The following ATRNL1 variants were observed in gnomAD, a reference collection of about 807,000 sequenced individuals.
ATRNL1 encodes the protein attractin like 1, also known as attractin-like protein 1.
In ATRNL1, 95 loss-of-function variants were observed where a neutral mutation model predicts 182.7. The observed-to-expected ratio is 0.52, with a 90% CI of 0.44 to 0.62. The LOEUF (loss-of-function observed/expected upper bound fraction) is 0.62. ATRNL1 is among the 20% of genes least tolerant of loss of function. ATRNL1 has a pLI of 0.00. For missense variants in ATRNL1, 1,471 were observed against 1,679.5 expected (o/e 0.88, Z 2.17); for synonymous variants, 576 against 568.3 (o/e 1.01, Z -0.19).
intron 28 of ATRNL1, among the ~76,000 whole-genome samples, chr10:115,878,980 G>A (rs1018203750): frequency 2.0e-5 from 3 of 152,026 alleles, no homozygotes; most frequent in African/African-American, 7.2e-5. Context: ...AAATTATAAT[G>A]GCATCACATA....
chr10:115,934,268 C>A lies in ATRNL1; in HGVS notation c.4019-10390C>A, dbSNP rs79579340. Among the ~76,000 whole-genome samples the A allele has an allele frequency of 7.4e-4, 113 of 152,296 alleles. 2 individuals carry two copies. The East Asian group carries it at 0.016, about 22-fold the overall frequency. ...AGAAACAAACTTCGATTTTGTTAAACCCTTGAGATTTCAGGCTTTAACTAT... is the reference window on the plus strand; with the variant it reads ...AGAAACAAACTTCGATTTTGTTAAAACCTTGAGATTTCAGGCTTTAACTAT... On this transcript the variant is annotated intron_variant, in intron 28 of 28. Transcript: ENST00000355044.
intron 27 of ATRNL1, among the ~76,000 whole-genome samples, chr10:115,846,142 A>G (rs1430153069): frequency 3.3e-5 from 5 of 152,090 alleles, no homozygotes; most frequent in Admixed American, 6.6e-5. Flanking sequence ...GTAACTTGAT[A>G]CAAGTATTGC....
intron 19 of ATRNL1, among the ~76,000 whole-genome samples, chr10:115,354,486 C>CT (rs1554942320): frequency 6.6e-6 from 1 of 151,964 alleles, no homozygotes; most frequent in Non-Finnish European, 1.5e-5. Flanking sequence ...AGTTTTTTCC[C>CT]TTTAGCACTT....
chr10:115,306,139 A>AT (rs1347342517), intron 17 of ATRNL1, among the ~76,000 whole-genome samples: 8 of 151,610 alleles, frequency 5.3e-5, no homozygotes, highest in East Asian at 1.9e-4. Flanking sequence ...TTTTTTTACA[A>AT]TTTTTTTTGG....
At chr10:115,566,976 C>G (rs1010892579) in intron 26 of ATRNL1, among the ~76,000 whole-genome samples, 1 of 151,986 alleles carries the variant, frequency 6.6e-6, no homozygotes, top group Non-Finnish European at 1.5e-5. Flanking sequence ...TACTAACAAC[C>G]GAAATTCAGT....
chr10:115,211,176 C>G (rs1195001879), intron 8 of ATRNL1, among the ~76,000 whole-genome samples: 1 of 151,114 alleles, frequency 6.6e-6, no homozygotes, highest in Non-Finnish European at 1.5e-5. Flanking sequence ...AAGCTTCCTT[C>G]CTTTATCTTT....
intron 17 of ATRNL1, among the ~76,000 whole-genome samples, chr10:115,305,047 G>T: frequency 6.6e-6 from 1 of 151,414 alleles, no homozygotes; most frequent in East Asian, 1.9e-4. Context: ...GATCCCTGTT[G>T]GTGGTAAATC....
At chr10:115,797,967 C>T (rs1437075838) in intron 27 of ATRNL1, among the ~76,000 whole-genome samples, 1 of 152,030 alleles carries the variant, frequency 6.6e-6, no homozygotes, top group African/African-American at 2.4e-5. Context: ...GCCCAGGCTG[C>T]AGTGCAGTGG....
chr10:115,149,466 C>T (rs1469726627), intron 5 of ATRNL1, among the ~76,000 whole-genome samples: 1 of 152,084 alleles, frequency 6.6e-6, no homozygotes, highest in African/African-American at 2.4e-5. Context: ...ATGATATTAA[C>T]TGTGGGTTTG....
At chr10:115,453,089 T>A (rs538979724) in intron 21 of ATRNL1, among the ~76,000 whole-genome samples, 1 of 152,278 alleles carries the variant, frequency 6.6e-6, no homozygotes, top group African/African-American at 2.4e-5. Context: ...TTATCTGTCA[T>A]CTGTCAACAA....
At chr10:115,811,901 C>A (rs1164647691) in intron 27 of ATRNL1, among the ~76,000 whole-genome samples, 2 of 151,884 alleles carry the variant, frequency 1.3e-5, no homozygotes, top group African/African-American at 4.8e-5. Context: ...TACTGATAGT[C>A]AAAAATAGGA....
chr10:115,177,903 G>GTTTTTTTTTTTTTT (rs147613896), intron 8 of ATRNL1, among the ~76,000 whole-genome samples: 5 of 102,080 alleles, frequency 4.9e-5, no homozygotes, highest in African/African-American at 4.3e-5. Context: ...TTGTTTTTTT[G>GTTTTTTTTTTTTTT]TTTTTTTTGT....
chr10:115,164,796 G>T (rs1846962692), intron 6 of ATRNL1, among the ~76,000 whole-genome samples: 1 of 152,146 alleles, frequency 6.6e-6, no homozygotes, highest in Admixed American at 6.5e-5. Flanking sequence ...GTGGAGAGTA[G>T]AATGGTGGCT....
intron 10 of ATRNL1, among the ~76,000 whole-genome samples, chr10:115,252,875 A>G (rs1311899677): frequency 2.0e-5 from 3 of 151,864 alleles, no homozygotes; most frequent in African/African-American, 4.8e-5. Flanking sequence ...CTGCTATACT[A>G]TTCCCTTCTA....
At chr10:115,730,100 T>C (rs1296393541) in intron 27 of ATRNL1, among the ~76,000 whole-genome samples, 1 of 151,102 alleles carries the variant, frequency 6.6e-6, no homozygotes, top group Non-Finnish European at 1.5e-5. Flanking sequence ...CTACTGAAAA[T>C]ACAAAAATTA....
intron 27 of ATRNL1, among the ~76,000 whole-genome samples, chr10:115,797,684 A>G (rs1949687737): frequency 6.6e-6 from 1 of 152,184 alleles, no homozygotes; most frequent in African/African-American, 2.4e-5. Context: ...ACAAAGCAGG[A>G]AAGTGGGGTT....
intron 27 of ATRNL1, among the ~76,000 whole-genome samples, chr10:115,764,764 C>A (rs1948816243): frequency 1.3e-5 from 2 of 152,104 alleles, no homozygotes; most frequent in South Asian, 4.1e-4. Context: ...CCTCCGCCTC[C>A]CACATTCAAG....
chr10:115,559,469 C>T (rs1438327027), intron 26 of ATRNL1, among the ~76,000 whole-genome samples: 2 of 151,606 alleles, frequency 1.3e-5, no homozygotes, highest in African/African-American at 4.8e-5. Context: ...CGCACATGCG[C>T]AACCCTTCTT....
chr10:115,839,610 T>A (rs1011230952), intron 27 of ATRNL1, among the ~76,000 whole-genome samples: 4 of 152,162 alleles, frequency 2.6e-5, no homozygotes, highest in Non-Finnish European at 5.9e-5. Flanking sequence ...CCTAGTCATC[T>A]TCTGCAAGGT....
Sources: gnomAD v4.1 joint callset for allele counts (sites outside exome capture counted in the v4.1 genomes callset) on GRCh38, gnomAD v4.1.1 for gene constraint, MANE v1.5 for transcripts, NCBI Gene and HGNC (gene_info 2026-07-23, HGNC 2026-07-21) for gene names.